STK24: variants seen among roughly 807,000 people sequenced by gnomAD.
STK24 encodes serine/threonine kinase 24, also known as serine/threonine-protein kinase 24.
In STK24, 21 loss-of-function variants were observed where a neutral mutation model predicts 55.6. The observed-to-expected ratio is 0.38, with a 90% CI of 0.27 to 0.54. The LOEUF (loss-of-function observed/expected upper bound fraction) is 0.54, where lower values mean the gene tolerates loss of function less well. Among genes scored for constraint, STK24 ranks in the 20% least tolerant of loss-of-function variants. The pLI is 0.79. For missense variants in STK24, 383 were observed against 538.4 expected (o/e 0.71, Z 2.86); for synonymous variants, 200 against 215.2 (o/e 0.93, Z 0.62).
At chr13:98,512,446 T>G (rs1895914927) in intron 2 of STK24, among the ~76,000 whole-genome samples, 1 of 152,126 alleles carries the variant, frequency 6.6e-6, no homozygotes, top group African/African-American at 2.4e-5. Flanking sequence ...GTCATTTTAT[T>G]GGCTAGAAAG....
intron 1 of STK24, among the ~76,000 whole-genome samples, chr13:98,548,610 C>T (rs1407759505): frequency 1.3e-5 from 2 of 152,002 alleles, no homozygotes; most frequent in African/African-American, 4.8e-5. Flanking sequence ...ACCTGTAATC[C>T]CAGCACTGTG....
At position 98,576,804 on chromosome 13, in the gene STK24, C is replaced by T. The variant is rs1387038647; in HGVS notation, c.-18G>A. ...TGAGCCATGGCGCTCAGGACGGCCA[C>T]TTCCTGGGACGGGACGGCCGGGCCG... is the stretch of plus-strand genomic sequence containing the variant. On this transcript the variant is annotated 5_prime_UTR_variant, in exon 1 of 11. The change creates a new upstream start codon in the 5' untranslated region. Coordinates refer to ENST00000539966, the MANE Select transcript of STK24 (RefSeq NM_001032296.4). 3.0e-5 allele frequency: 41 copies of T among 1,352,270 alleles called. No homozygotes were observed. Among genetic ancestry groups the T allele is most frequent in the Admixed American group, 9.0e-5 (3 of 33,194 alleles). 83.8% of individuals were successfully genotyped at this position (1,352,270 alleles called of 1,614,324 possible). A position where few individuals can be genotyped will look rare whatever the true frequency, so the allele number is the denominator to read the frequency against.
At chr13:98,506,556 C>T (rs1254372184) in intron 2 of STK24, among the ~76,000 whole-genome samples, 1 of 152,160 alleles carries the variant, frequency 6.6e-6, no homozygotes, top group Non-Finnish European at 1.5e-5. Flanking sequence ...CAATGTCTCC[C>T]GTAGCCGAAG....
Position 98,446,752 on chromosome 13 carries a change from G to A in STK24, c.*6421C>T, listed in dbSNP as rs774777880. Reference sequence around the variant, plus strand: ...CCGAGAACATCCAGAAAGACTACGTGTTCAAGCTGCACTTCAAGTCCCACG... The same window carrying A: ...CCGAGAACATCCAGAAAGACTACGTATTCAAGCTGCACTTCAAGTCCCACG... On this transcript the variant is annotated 3_prime_UTR_variant, in exon 11 of 11. Transcript: ENST00000539966. 29 of 1,614,046 alleles carry A rather than the reference G, an allele frequency of 1.8e-5. No individual in the cohort carries two copies. Among genetic ancestry groups the A allele is most frequent in the Non-Finnish European group, 2.5e-5 (29 of 1,180,040 alleles).
intron 1 of STK24, among the ~76,000 whole-genome samples, chr13:98,544,587 T>TCC (rs1193413249): frequency 6.6e-6 from 1 of 151,926 alleles, no homozygotes; most frequent in African/African-American, 2.4e-5. Context: ...GAGGCAATGC[T>TCC]CCCCACCCTC....
At chr13:98,474,618 G>T (rs559973424) in intron 5 of STK24, among the ~76,000 whole-genome samples, 20 of 152,256 alleles carry the variant, frequency 1.3e-4, no homozygotes, top group African/African-American at 3.9e-4. Context: ...GATCATGGTG[G>T]GCTGGATCAG....
intron 1 of STK24, among the ~76,000 whole-genome samples, chr13:98,548,993 G>T (rs956757480): frequency 3.9e-5 from 6 of 152,236 alleles, no homozygotes; most frequent in South Asian, 2.1e-4. Context: ...CAGTGCCCCG[G>T]GGTAGGACAA....
In STK24 at chr13:98,488,611, C is replaced by G. The variant is rs576402000; in HGVS notation, c.274-6290G>C. ...TAGGAGCTGCAAACACTAGCTTTTG[C>G]TTCTGGTAATTTTTGCTTACAGAAA... is the stretch of plus-strand genomic sequence containing the variant. On this transcript the variant is annotated intron_variant, in intron 2 of 10. Coordinates refer to ENST00000539966, the MANE Select transcript of STK24 (RefSeq NM_001032296.4). 8.2e-4 allele frequency among the ~76,000 whole-genome samples: 124 copies of G among 152,122 alleles called. 3 individuals are homozygous for G. The highest frequency in any genetic ancestry group is 3.4e-3 in the Middle Eastern group (1 of 294).
intron 2 of STK24, among the ~76,000 whole-genome samples, chr13:98,503,132 G>C (rs1208044149): frequency 6.9e-6 from 1 of 144,238 alleles, no homozygotes; most frequent in Non-Finnish European, 1.5e-5. Flanking sequence ...GTTTTCAACA[G>C]GAGATCCCAA....
intron 1 of STK24, among the ~76,000 whole-genome samples, chr13:98,546,103 A>G (rs1184550762): frequency 6.6e-6 from 1 of 152,258 alleles, no homozygotes; most frequent in African/African-American, 2.4e-5. Flanking sequence ...GAAATTGTTC[A>G]GTTTAAAAGA....
intron 10 of STK24, chr13:98,453,950 A>C (rs1893325760): frequency 1.3e-5 from 2 of 152,194 alleles, no homozygotes; most frequent in African/African-American, 4.8e-5. Flanking sequence ...ACCAGTGTGC[A>C]GCCCCAAATC....
At chr13:98,495,788 C>T (rs1315904906) in intron 2 of STK24, among the ~76,000 whole-genome samples, 1 of 152,070 alleles carries the variant, frequency 6.6e-6, no homozygotes, top group African/African-American at 2.4e-5. Flanking sequence ...AAATGTACGC[C>T]CTTGTGATTT....
In STK24 at chr13:98,501,022, GAAA is replaced by G. The variant is rs1895436984; in HGVS notation, c.273+18218_273+18220del. ...CATTCAAGTTACTGTTTAAAACTTT[GAAA>G]TGAAATGAGAATATAAGGGGGAAAA... On this transcript the variant is annotated intron_variant, in intron 2 of 10. Coordinates refer to ENST00000539966, the MANE Select transcript of STK24 (RefSeq NM_001032296.4). Among the ~76,000 whole-genome samples the G allele has an allele frequency of 9.1e-3, 6 of 662 alleles. No individual in the cohort carries two copies. In the East Asian group the frequency reaches 0.19, roughly 21 times the overall value. 0.4% of individuals were successfully genotyped at this position (662 alleles called of 152,430 possible). A position where few individuals can be genotyped will look rare whatever the true frequency, so the allele number is the denominator to read the frequency against.
chr13:98,521,683 G>C (rs569838652), intron 1 of STK24: 1 of 710,736 alleles, frequency 1.4e-6, no homozygotes, highest in East Asian at 2.5e-5. Context: ...TCGGGGATGC[G>C]GGGGAAGCAG....
chr13:98,545,818 C>T (rs1897015575), intron 1 of STK24, among the ~76,000 whole-genome samples: 1 of 152,104 alleles, frequency 6.6e-6, no homozygotes. Flanking sequence ...AATTATATTA[C>T]ACCAAACACT....
intron 1 of STK24, among the ~76,000 whole-genome samples, chr13:98,524,712 G>A (rs1896372572): frequency 2.0e-5 from 3 of 152,230 alleles, no homozygotes; most frequent in Admixed American, 1.3e-4. Context: ...AACCACTGCG[G>A]GAGAAAAGTG....
At chr13:98,491,713 A>G in intron 2 of STK24, among the ~76,000 whole-genome samples, 1 of 151,702 alleles carries the variant, frequency 6.6e-6, no homozygotes. Flanking sequence ...AAAAATACTA[A>G]GTGTTCAATC....
chr13:98,574,154 G>C (rs1897815042), intron 1 of STK24, among the ~76,000 whole-genome samples: 1 of 152,112 alleles, frequency 6.6e-6, no homozygotes, highest in African/African-American at 2.4e-5. Context: ...TGGGATTACA[G>C]GCGTGTGCCA....
At chr13:98,503,238 T>A (rs148908258) in intron 2 of STK24, among the ~76,000 whole-genome samples, 1 of 152,120 alleles carries the variant, frequency 6.6e-6, no homozygotes, top group Non-Finnish European at 1.5e-5. Context: ...CCAACACTTA[T>A]ATGCACTCAA....
Sources: gnomAD v4.1 joint callset for allele counts (sites outside exome capture counted in the v4.1 genomes callset) on GRCh38, gnomAD v4.1.1 for gene constraint, MANE v1.5 for transcripts, NCBI Gene and HGNC (gene_info 2026-07-23, HGNC 2026-07-21) for gene names.